Variants in MCF2L observed in about 807,000 individuals in gnomAD.
MCF2L encodes guanine nucleotide exchange factor DBS.
A neutral mutation model predicts 153.4 loss-of-function variants in MCF2L; 97 were observed. The observed-to-expected ratio is 0.63, with a 90% CI of 0.54 to 0.75. The LOEUF is 0.75. MCF2L is among the 30% of genes least tolerant of loss of function. MCF2L has a pLI of 0.00. For missense variants in MCF2L, 1,347 were observed against 1,495.2 expected (o/e 0.90, Z 1.64); for synonymous variants, 659 against 632.2 (o/e 1.04, Z -0.64).
At chr13:112,989,223 G>C (rs2082793224) in intron 1 of MCF2L, among the ~76,000 whole-genome samples, 1 of 147,416 alleles carries the variant, frequency 6.8e-6, no homozygotes, top group Non-Finnish European at 1.5e-5. Flanking sequence ...CCACACCGGA[G>C]TCCTCCCTGA....
At chr13:112,942,518 C>T (rs2081586284) in intron 2 of MCF2L, among the ~76,000 whole-genome samples, 2 of 152,192 alleles carry the variant, frequency 1.3e-5, no homozygotes, top group South Asian at 4.1e-4. Flanking sequence ...GCTGTCTTTT[C>T]TTTTATCTCT....
chr13:113,006,716 G>A (rs1373524662), intron 1 of MCF2L, among the ~76,000 whole-genome samples: 1 of 152,228 alleles, frequency 6.6e-6, no homozygotes, highest in Non-Finnish European at 1.5e-5. Context: ...AGACCCTCGG[G>A]TCTGGGCCCT....
chr13:112,981,408 C>T (rs528407652), intron 1 of MCF2L, among the ~76,000 whole-genome samples: 31 of 152,316 alleles, frequency 2.0e-4, no homozygotes, highest in African/African-American at 7.0e-4. Context: ...GTGAGTTCTG[C>T]GGTGCTCTGG....
chr13:112,970,479 AC>A (rs1370602157), intron 1 of MCF2L, among the ~76,000 whole-genome samples: 2 of 152,116 alleles, frequency 1.3e-5, no homozygotes, highest in Non-Finnish European at 2.9e-5. Flanking sequence ...AGAAAACAAA[AC>A]CATTTTCATG....
At position 113,066,137 on chromosome 13, in the gene MCF2L, A is replaced by G; in HGVS notation, c.848A>G (p.Gln283Arg). 1 of 1,612,916 alleles carries G rather than the reference A, an allele frequency of 6.2e-7. No individual in the cohort carries two copies. Among genetic ancestry groups the G allele is most frequent in the Non-Finnish European group, 8.5e-7 (1 of 1,179,816 alleles). The change falls in exon 8 of 30, where the codon CAG becomes CGG. Residue 283 changes from glutamine to arginine, a missense_variant. Transcript: ENST00000535094. The part of the protein sequence containing the change: ...QAEGSEPSVN[Q>R]DQLDNQATVQ... ...GAGGGCTCAGAGCCCAGTGTGAACC[A>G]GGACCAGCTTGACAACCAGGCCACC... is the stretch of plus-strand genomic sequence containing the variant.
chr13:112,982,909 G>A (rs540438830), intron 1 of MCF2L, among the ~76,000 whole-genome samples: 39 of 152,164 alleles, frequency 2.6e-4, no homozygotes, highest in Admixed American at 5.2e-4. Context: ...GGTGTGGAGG[G>A]GGTGTCGGTG....
intron 1 of MCF2L, among the ~76,000 whole-genome samples, chr13:112,980,495 G>A (rs931048337): frequency 1.5e-4 from 23 of 152,222 alleles, no homozygotes; most frequent in African/African-American, 5.3e-4. Flanking sequence ...GATGGGCGGC[G>A]GCTGGGCATT....
At chr13:112,995,882 A>G (rs1280432254) in intron 1 of MCF2L, among the ~76,000 whole-genome samples, 1 of 152,198 alleles carries the variant, frequency 6.6e-6, no homozygotes, top group African/African-American at 2.4e-5. Context: ...AGGAACTGAC[A>G]TCCGCATGCC....
At chr13:112,952,529 T>G (rs1234557918) in intron 2 of MCF2L, among the ~76,000 whole-genome samples, 3 of 152,204 alleles carry the variant, frequency 2.0e-5, no homozygotes. Context: ...CTTGGCAAAA[T>G]GAGGACCCCA....
intron 1 of MCF2L, among the ~76,000 whole-genome samples, chr13:112,976,385 T>C (rs918030730): frequency 6.6e-6 from 1 of 152,252 alleles, no homozygotes; most frequent in Non-Finnish European, 1.5e-5. Context: ...GATGGTGAGC[T>C]AATGCCCCAA....
Position 112,943,117 on chromosome 13 carries a change from C to T in MCF2L, c.169+40746C>T, listed in dbSNP as rs2081593150. The stretch of plus-strand genomic sequence containing the variant: ...AACCTGGTAAACTTTGAGGTGAAGG[C>T]TGTCAGAAACAGCTGCGAGGAGCAT... On this transcript the variant is annotated intron_variant, in intron 2 of 29. Transcript: ENST00000375608. This position sits in a 1 kb window ranked among gnomAD's most constrained non-coding sequence, Gnocchi z 4.2. Among the ~76,000 whole-genome samples, 1 of 152,228 alleles carries T rather than the reference C, an allele frequency of 6.6e-6. No individual in the cohort carries two copies.
intron 12 of MCF2L, 84 bp from the exon 13 acceptor site, chr13:113,076,967 GC>G (rs2033556830): frequency 2.8e-6 from 4 of 1,436,428 alleles, no homozygotes; most frequent in Non-Finnish European, 3.8e-6. Context: ...GGTTGGGCGT[GC>G]CCCGGCACGT....
At chr13:112,997,480 C>G (rs1012006406) in intron 1 of MCF2L, among the ~76,000 whole-genome samples, 1 of 152,188 alleles carries the variant, frequency 6.6e-6, no homozygotes, top group South Asian at 2.1e-4. Context: ...ACCTTTGCCC[C>G]GTGTCCACTG....
At chr13:113,087,579 G>T (rs567630979) in intron 22 of MCF2L, 123 bp downstream of exon 22, 15 of 1,106,364 alleles carry the variant, frequency 1.4e-5, no homozygotes, top group South Asian at 5.8e-5. Context: ...TAGGGGTGGG[G>T]TATTCTGCCA....
At chr13:113,084,772 C>G in intron 18 of MCF2L, 120 bp from the exon 19 acceptor site, 1 of 776,962 alleles carries the variant, frequency 1.3e-6, no homozygotes, top group Non-Finnish European at 2.2e-6. Flanking sequence ...CTCGCAGGGC[C>G]GGGAAGACGC....
At chr13:112,970,261 G>GT (rs2081993420) in intron 1 of MCF2L, among the ~76,000 whole-genome samples, 1 of 152,178 alleles carries the variant, frequency 6.6e-6, no homozygotes, top group East Asian at 1.9e-4. Flanking sequence ...GCCATTACTA[G>GT]TTGTCTAACT....
chr13:112,952,781 T>A (rs186789263), intron 2 of MCF2L, among the ~76,000 whole-genome samples: 1 of 152,290 alleles, frequency 6.6e-6, no homozygotes, highest in Admixed American at 6.5e-5. Context: ...GAACATAGCA[T>A]CAGTTGCATC....
rs2081595688 is a variant in MCF2L, at chr13:112,943,344, C to T, written c.169+40973C>T. Among the ~76,000 whole-genome samples, 1 of 152,160 alleles carries T rather than the reference C, an allele frequency of 6.6e-6. No homozygotes were observed. On this transcript the variant is annotated intron_variant, in intron 2 of 29. Coordinates refer to the MCF2L transcript ENST00000375608. The surrounding 1 kb of genome is among the most constrained non-coding windows in gnomAD (Gnocchi z 4.2). ...GCGGTCGAGCTCTAGGGCCCCCGGC[C>T]GCAGAGCCCAGGCGCGGGGAGGGCG... is the stretch of plus-strand genomic sequence containing the variant.
At chr13:113,012,952 C>T (rs1327651814) in intron 1 of MCF2L, among the ~76,000 whole-genome samples, 1 of 143,888 alleles carries the variant, frequency 6.9e-6, no homozygotes, top group African/African-American at 2.6e-5. Flanking sequence ...ACGGTGGACA[C>T]TGTGATGCGG....
Sources: gnomAD v4.1 joint callset for allele counts (sites outside exome capture counted in the v4.1 genomes callset) on GRCh38, gnomAD v4.1.1 for gene constraint, Gnocchi (gnomAD v3.1) non-coding constraint, MANE v1.5 for transcripts, NCBI Gene and HGNC (gene_info 2026-07-23, HGNC 2026-07-21) for gene names.